DOCK3: variants seen among roughly 807,000 people sequenced by gnomAD.
DOCK3 encodes dedicator of cytokinesis protein 3.
A neutral mutation model predicts 265.6 loss-of-function variants in DOCK3; 60 were observed. The ratio of observed to expected loss-of-function variants is 0.23; its 90% confidence interval spans 0.18 to 0.28. The LOEUF (loss-of-function observed/expected upper bound fraction) is 0.28. Among genes scored for constraint, DOCK3 ranks in the 10% least tolerant of loss-of-function variants. DOCK3 has a pLI of 1.00. For missense variants in DOCK3, 1,981 were observed against 2,594.3 expected, an observed-to-expected ratio of 0.76 and a Z score of 5.14; for synonymous variants, 881 against 938.0, an observed-to-expected ratio of 0.94 and a Z score of 1.11.
At chr3:50,803,881 G>A (rs1031055929) in intron 2 of DOCK3, among the ~76,000 whole-genome samples, 1 of 151,762 alleles carries the variant, frequency 6.6e-6, no homozygotes, top group Non-Finnish European at 1.5e-5. Flanking sequence ...GGCCGGGCGG[G>A]GGCTGTCCCC....
chr3:50,682,818 A>T (rs888083427), intron 1 of DOCK3, among the ~76,000 whole-genome samples: 1 of 152,222 alleles, frequency 6.6e-6, no homozygotes, highest in Non-Finnish European at 1.5e-5. Flanking sequence ...GCACGCCTGT[A>T]ATTCCAGCTG....
intron 36 of DOCK3, among the ~76,000 whole-genome samples, 161 bp downstream of exon 36, chr3:51,338,580 A>G (rs564749333): frequency 3.3e-5 from 5 of 152,194 alleles, no homozygotes; most frequent in Non-Finnish European, 4.4e-5. Flanking sequence ...CACTCCCCCA[A>G]ACACATTCCT....
chr3:51,147,789 C>T (rs1163142266), intron 10 of DOCK3, among the ~76,000 whole-genome samples: 3 of 152,136 alleles, frequency 2.0e-5, no homozygotes, highest in Non-Finnish European at 4.4e-5. Flanking sequence ...TGAATAGCGC[C>T]TCAATAAACA....
At chr3:50,676,179 A>G (rs1030860292) in intron 1 of DOCK3, among the ~76,000 whole-genome samples, 1 of 152,228 alleles carries the variant, frequency 6.6e-6, no homozygotes, top group African/African-American at 2.4e-5. Flanking sequence ...AAAATTTTAG[A>G]TAGGAAACCT....
Position 51,236,278 on chromosome 3 carries a change from T to C in DOCK3, c.1918-67T>C, listed in dbSNP as rs553821803. On this transcript the variant is annotated intron_variant, in intron 19 of 52. Transcript: ENST00000266037. ...CTTTTTTATTGGAAGTTAAATTCAT[T>C]GATTTATGGAAGTTTGTGCGTGTAA... The C allele has an allele frequency of 2.0e-5, 23 of 1,160,722 alleles. No homozygotes were observed. In the South Asian group the frequency reaches 2.9e-4, roughly 15 times the overall value. 71.9% of individuals were successfully genotyped at this position (1,160,722 alleles called of 1,614,324 possible).
intron 10 of DOCK3, among the ~76,000 whole-genome samples, chr3:51,148,383 T>A (rs935286110): frequency 3.3e-5 from 5 of 152,220 alleles, no homozygotes; most frequent in African/African-American, 1.2e-4. Flanking sequence ...TTTGTTGCCA[T>A]TGCTTTTGGT....
intron 49 of DOCK3, among the ~76,000 whole-genome samples, chr3:51,364,242 G>T (rs1385458306): frequency 6.6e-6 from 1 of 152,220 alleles, no homozygotes; most frequent in Admixed American, 6.5e-5. Flanking sequence ...GGCCAGTGAT[G>T]ATGAGCATTT....
chr3:51,234,286 T>G (rs541078712), intron 19 of DOCK3, among the ~76,000 whole-genome samples: 10 of 152,218 alleles, frequency 6.6e-5, no homozygotes, highest in Non-Finnish European at 1.5e-4. Context: ...CATTTGTGTA[T>G]CTTCTTTTGA....
intron 12 of DOCK3, among the ~76,000 whole-genome samples, chr3:51,170,726 T>TGAGATCAG (rs983356679): frequency 3.9e-5 from 6 of 152,016 alleles, no homozygotes; most frequent in Admixed American, 3.9e-4. Flanking sequence ...GGGCGGATCA[T>TGAGATCAG]GAGATCAGGA....
chr3:50,745,282 G>A (rs1296428858), intron 1 of DOCK3, among the ~76,000 whole-genome samples: 1 of 152,084 alleles, frequency 6.6e-6, no homozygotes, highest in East Asian at 1.9e-4. Context: ...CCAACCTCAG[G>A]TGATCTGCCC....
intron 12 of DOCK3, among the ~76,000 whole-genome samples, chr3:51,184,067 T>C (rs2087453994): frequency 1.3e-5 from 2 of 152,038 alleles, no homozygotes; most frequent in South Asian, 4.1e-4. Context: ...TCCAGCACTT[T>C]GGGAGGCCAA....
intron 2 of DOCK3, among the ~76,000 whole-genome samples, chr3:50,792,808 T>A (rs2042548879): frequency 6.6e-6 from 1 of 152,228 alleles, no homozygotes; most frequent in Non-Finnish European, 1.5e-5. Flanking sequence ...AGCTTTTTGA[T>A]GTGCTGCTGG....
intron 47 of DOCK3, among the ~76,000 whole-genome samples, chr3:51,360,969 C>G (rs1387133448): frequency 6.6e-6 from 1 of 152,106 alleles, no homozygotes; most frequent in Non-Finnish European, 1.5e-5. Context: ...TATGAACAAG[C>G]CAGCCTGGTC....
At chr3:50,826,713 A>G (rs1042846066) in intron 2 of DOCK3, among the ~76,000 whole-genome samples, 5 of 152,228 alleles carry the variant, frequency 3.3e-5, no homozygotes, top group Non-Finnish European at 5.9e-5. Flanking sequence ...ATACTGTAGA[A>G]AAAGAAACAG....
intron 2 of DOCK3, among the ~76,000 whole-genome samples, chr3:50,814,340 C>G (rs1559674641): frequency 1.3e-5 from 2 of 152,080 alleles, no homozygotes. Context: ...AATCTAAGCT[C>G]ACTGCAACCT....
intron 32 of DOCK3, among the ~76,000 whole-genome samples, chr3:51,327,200 G>A (rs1021827001): frequency 6.6e-6 from 1 of 152,066 alleles, no homozygotes; most frequent in African/African-American, 2.4e-5. Flanking sequence ...TATTTCTTGT[G>A]CATTTTTATA....
intron 1 of DOCK3, among the ~76,000 whole-genome samples, chr3:50,759,995 A>G (rs1410493528): frequency 6.6e-6 from 1 of 150,908 alleles, no homozygotes; most frequent in African/African-American, 2.4e-5. Context: ...CCTTTGATGC[A>G]TACAAGTTTT....
At chr3:50,851,795 G>A (rs1188909895) in intron 3 of DOCK3, among the ~76,000 whole-genome samples, 1 of 152,216 alleles carries the variant, frequency 6.6e-6, no homozygotes, top group Admixed American at 6.5e-5. Context: ...TGTCTGTGGA[G>A]GCCACTACCC....
intron 5 of DOCK3, among the ~76,000 whole-genome samples, chr3:51,056,271 C>T (rs1047387770): frequency 6.6e-5 from 10 of 152,052 alleles, no homozygotes; most frequent in Admixed American, 2.0e-4. Flanking sequence ...TTTTTTGAGA[C>T]GGAGTCTCGC....
Sources: gnomAD v4.1 joint callset for allele counts (sites outside exome capture counted in the v4.1 genomes callset) on GRCh38, gnomAD v4.1.1 for gene constraint, MANE v1.5 for transcripts, NCBI Gene and HGNC (gene_info 2026-07-23, HGNC 2026-07-21) for gene names.